EXOG: variants seen among roughly 807,000 people sequenced by gnomAD.
EXOG encodes exo/endonuclease G.
EXOG carries 27 observed loss-of-function variants against 25.8 expected under a neutral mutation model. The ratio of observed to expected loss-of-function variants is 1.05; its 90% CI spans 0.77 to 1.45. The LOEUF is 1.45. Ranked by LOEUF, EXOG falls within the 40% of genes most tolerant of loss-of-function variation. EXOG has a pLI of 0.00. For synonymous variants in EXOG, 133 were observed against 167.0 expected, an observed-to-expected ratio of 0.80 and a Z score of 1.57; for missense variants, 458 against 450.5, an observed-to-expected ratio of 1.02 and a Z score of -0.15.
chr3:38,498,056 T>A, intron 2 of EXOG: 1 of 334,964 alleles, frequency 3.0e-6, no homozygotes, highest in East Asian at 7.7e-5. Flanking sequence ...CAGTTTTACC[T>A]TAACAAATAT....
chr3:38,501,254 T>C (rs1421240071), intron 2 of EXOG, 101 bp from the exon 3 acceptor site: 1 of 899,776 alleles, frequency 1.1e-6, no homozygotes, highest in African/African-American at 1.6e-5. Context: ...ACTAGCTGCT[T>C]GGAGAGACAC....
chr3:38,497,955 C>G (rs1337493466), intron 2 of EXOG, 177 bp downstream of exon 2: 1 of 720,666 alleles, frequency 1.4e-6, no homozygotes, highest in African/African-American at 1.9e-5. Flanking sequence ...AAAGCCAGAC[C>G]CTTTCCAGCT....
At chr3:38,509,858 G>T (rs1487297770) in intron 5 of EXOG, among the ~76,000 whole-genome samples, 1 of 152,148 alleles carries the variant, frequency 6.6e-6, no homozygotes, top group Non-Finnish European at 1.5e-5. Flanking sequence ...TAGAATGTCA[G>T]TTAATAAATT....
At position 38,503,655 on chromosome 3, in the gene EXOG, C is replaced by G. The variant is rs774629674; in HGVS notation, c.494C>G (p.Pro165Arg). 3.4e-5 allele frequency: 54 copies of G among 1,607,506 alleles called. No individual in the cohort carries two copies. The highest frequency in any genetic ancestry group is 5.4e-5 in the African/African-American group (4 of 74,756). Residue 165 changes from proline to arginine, a missense_variant, in exon 4 of 6, where the codon CCT becomes CGT. Physicochemically the swap from Pro to Arg is moderately radical, Grantham distance 103. This residue lies in a region of EXOG where 275 missense variants were observed against 230.5 expected (regional missense o/e 1.19). Transcript: ENST00000287675. ...AETFYLSNIVPQDFDNNSGYW... is the reference protein window; with the variant it reads ...AETFYLSNIVRQDFDNNSGYW... ...ACCTTTTACCTTTCTAACATTGTGC[C>G]TCAGGATTTTGATAATAATTCTGGA...
chr3:38,513,382 C>T (rs190387108), intron 5 of EXOG, among the ~76,000 whole-genome samples: 5 of 152,240 alleles, frequency 3.3e-5, no homozygotes, highest in Admixed American at 3.3e-4. Context: ...AAATATTTAA[C>T]CAGCATTTAT....
chr3:38,518,355 G>A (rs1011833862), intron 5 of EXOG, among the ~76,000 whole-genome samples: 1 of 152,194 alleles, frequency 6.6e-6, no homozygotes, highest in Non-Finnish European at 1.5e-5. Context: ...CCTTTGAAAA[G>A]TAGGCAATTA....
At chr3:38,508,034 G>A (rs1172254333) in intron 5 of EXOG, among the ~76,000 whole-genome samples, 1 of 152,140 alleles carries the variant, frequency 6.6e-6, no homozygotes, top group Non-Finnish European at 1.5e-5. Flanking sequence ...GGGAGTCTGA[G>A]GCAGAAGAAT....
rs779647446 is a variant in EXOG, at chr3:38,496,544, C to CTTA, written c.163+14_163+15insTTA. The CTTA allele has an allele frequency of 1.5e-5, 24 of 1,603,408 alleles. No individual in the cohort carries two copies. Among genetic ancestry groups the CTTA allele is most frequent in the Admixed American group, 3.4e-5 (2 of 59,538 alleles). On this transcript the variant is annotated intron_variant, in intron 1 of 5. Transcript: ENST00000287675. ...AGCAGCCGGATGGTAAGTCTGTGGG[C>CTTA]CCGTCCTCCCTTCGCTGGCCCAGAT...
At chr3:38,497,514 T>A in intron 1 of EXOG, 115 bp from the exon 2 acceptor site, 2 of 1,403,540 alleles carry the variant, frequency 1.4e-6, no homozygotes, top group Admixed American at 3.4e-5. Context: ...GCCAGTCCTT[T>A]GTAAATCACA....
chr3:38,514,232 T>G (rs916949417), intron 5 of EXOG, among the ~76,000 whole-genome samples: 2 of 152,244 alleles, frequency 1.3e-5, no homozygotes, highest in African/African-American at 4.8e-5. Context: ...ACACACTGGC[T>G]TCTTGTGAAG....
At chr3:38,506,738 G>A in intron 4 of EXOG, 116 bp from the exon 5 acceptor site, 1 of 499,794 alleles carries the variant, frequency 2.0e-6, no homozygotes, top group South Asian at 2.7e-5. Flanking sequence ...CCATGTTCTT[G>A]TTTAATTTCT....
At chr3:38,513,364 C>A (rs1297162924) in intron 5 of EXOG, among the ~76,000 whole-genome samples, 1 of 152,112 alleles carries the variant, frequency 6.6e-6, no homozygotes, top group East Asian at 1.9e-4. Flanking sequence ...AATCCAAGAT[C>A]TATTAGAAAA....
chr3:38,503,050 T>A (rs913815888), intron 3 of EXOG, among the ~76,000 whole-genome samples: 1 of 152,214 alleles, frequency 6.6e-6, no homozygotes, highest in Non-Finnish European at 1.5e-5. Context: ...TATTCCAATG[T>A]GCACCCAAGA....
intron 2 of EXOG, 133 bp from the exon 3 acceptor site, chr3:38,501,222 A>G (rs781234791): frequency 2.9e-6 from 2 of 688,950 alleles, no homozygotes; most frequent in Non-Finnish European, 5.2e-6. Context: ...CAGGAACTTG[A>G]GACATGCATG....
intron 2 of EXOG, among the ~76,000 whole-genome samples, chr3:38,500,331 T>C (rs1172682769): frequency 6.6e-6 from 1 of 152,190 alleles, no homozygotes; most frequent in South Asian, 2.1e-4. Context: ...GGAAGGTATC[T>C]TTTTAGGTCT....
intron 5 of EXOG, chr3:38,519,355 A>G (rs1333144398): frequency 6.6e-6 from 1 of 152,240 alleles, no homozygotes; most frequent in African/African-American, 2.4e-5. Context: ...TGGTTTGGAC[A>G]TTATAAATGG....
In EXOG at chr3:38,525,755, C is replaced by T. The variant is rs2060854035; in HGVS notation, c.*1393C>T. 4 of 495,940 alleles carry T rather than the reference C, an allele frequency of 8.1e-6. No individual in the cohort carries two copies. The South Asian group carries it at 2.6e-4, about 32-fold the overall frequency. 30.7% of individuals were successfully genotyped at this position (495,940 alleles called of 1,614,324 possible). A position where few individuals can be genotyped will look rare whatever the true frequency, so the allele number is the denominator to read the frequency against. On this transcript the variant is annotated 3_prime_UTR_variant, in exon 6 of 6. Transcript: ENST00000287675. ...CCCAGGAGTTTGAGACCAGCCTGGG[C>T]AACATAATGAAACCCTATCTTTACA...
At chr3:38,507,340 T>C (rs2060232220) in intron 5 of EXOG, among the ~76,000 whole-genome samples, 1 of 152,226 alleles carries the variant, frequency 6.6e-6, no homozygotes, top group African/African-American at 2.4e-5. Context: ...GATATTGAGC[T>C]ATACCTTGAC....
chr3:38,512,753 C>T (rs2060410320), intron 5 of EXOG, among the ~76,000 whole-genome samples: 1 of 152,082 alleles, frequency 6.6e-6, no homozygotes, highest in South Asian at 2.1e-4. Flanking sequence ...GCAAGTCCAG[C>T]CCATAGAGGT....
Sources: allele counts gnomAD v4.1 joint callset (sites outside exome capture counted in the v4.1 genomes callset), GRCh38; gene constraint gnomAD v4.1.1; regional missense constraint gnomAD v4.1.1; transcripts MANE v1.5; gene names NCBI Gene and HGNC (gene_info 2026-07-23, HGNC 2026-07-21).